Variants in LYST observed in about 807,000 individuals in gnomAD.
LYST encodes lysosomal-trafficking regulator.
In LYST, 192 loss-of-function variants were observed where a neutral mutation model predicts 413.6. The observed-to-expected ratio is 0.46, with a 90% CI of 0.41 to 0.52. LYST has a LOEUF of 0.52. LYST is among the 20% of genes least tolerant of loss of function. The pLI is 0.00. For missense variants in LYST, 3,815 were observed against 4,499.9 expected, an observed-to-expected ratio of 0.85 and a Z score of 4.35; for synonymous variants, 1,525 against 1,567.3, an observed-to-expected ratio of 0.97 and a Z score of 0.64.
At chr1:235,779,777 G>A (rs76317799) in intron 16 of LYST, among the ~76,000 whole-genome samples, 9 of 152,028 alleles carry the variant, frequency 5.9e-5, no homozygotes, top group East Asian at 3.9e-4. Flanking sequence ...TACCCTCCCC[G>A]CAACTCAACA....
At chr1:235,779,450 C>T (rs954647570) in intron 16 of LYST, among the ~76,000 whole-genome samples, 1 of 152,108 alleles carries the variant, frequency 6.6e-6, no homozygotes, top group Non-Finnish European at 1.5e-5. Context: ...CCTCAGTCTC[C>T]CTAAGGCAGA....
rs143361104 is a variant in LYST, at chr1:235,668,911, T to C, written c.11039-4290A>G. 2.7e-3 allele frequency among the ~76,000 whole-genome samples: 409 copies of C among 152,356 alleles called. 2 individuals carry two copies. Among genetic ancestry groups the C allele is most frequent in the African/African-American group, 9.5e-3 (395 of 41,588 alleles). On this transcript the variant is annotated intron_variant, in intron 50 of 52. Transcript: ENST00000389793. The stretch of plus-strand genomic sequence containing the variant: ...TCATTAGGAAATAAAAATGTTTTCA[T>C]GACATTATTTTACAACTGGGGGCTA...
At chr1:235,680,595 T>C (rs1027399100) in intron 48 of LYST, among the ~76,000 whole-genome samples, 1 of 150,000 alleles carries the variant, frequency 6.7e-6, no homozygotes, top group Non-Finnish European at 1.5e-5. Context: ...GACACACAAG[T>C]GATTTTCTTT....
intron 50 of LYST, 64 bp downstream of exon 50, chr1:235,677,027 C>T (rs1342113786): frequency 3.5e-6 from 4 of 1,152,046 alleles, no homozygotes; most frequent in Admixed American, 1.7e-5. Context: ...CTAGGAGTAA[C>T]CACTGGCCGA....
chr1:235,694,065 C>T (rs941163042), intron 46 of LYST, among the ~76,000 whole-genome samples: 12 of 150,754 alleles, frequency 8.0e-5, no homozygotes, highest in African/African-American at 2.7e-4. Context: ...GCTGAAGTGC[C>T]GTGGCGCAAT....
Position 235,693,448 on chromosome 1 carries a change from C to G in LYST, c.10603G>C (p.Ala3535Pro). 6.2e-7 allele frequency: 1 copy of G among 1,613,696 alleles called. No homozygotes were observed. Residue 3535 changes from alanine to proline, a missense_variant, in exon 47 of 53, where the codon GCC (alanine) becomes CCC (proline). This residue lies in a region of LYST where 866 missense variants were observed against 1,156.0 expected (regional missense o/e 0.75). Coordinates refer to ENST00000389793, the MANE Select transcript of LYST (RefSeq NM_000081.4). ...SMNSTDIQWS[A>P]ILSWGYADNI... is the part of the protein sequence containing the mutation. Reference sequence around the variant, plus strand: ...TCAGCATATCCCCAGCTCAGGATGGCTGACCACTGAATGTCCGTACTGTTC... The same window carrying G: ...TCAGCATATCCCCAGCTCAGGATGGGTGACCACTGAATGTCCGTACTGTTC...
intron 8 of LYST, among the ~76,000 whole-genome samples, chr1:235,802,409 T>C (rs1276890735): frequency 6.6e-6 from 1 of 152,052 alleles, no homozygotes; most frequent in Non-Finnish European, 1.5e-5. Context: ...TAAGAAGAAA[T>C]CTATGCTTGG....
chr1:235,823,394 C>A (rs1169606129), intron 3 of LYST, among the ~76,000 whole-genome samples: 1 of 152,172 alleles, frequency 6.6e-6, no homozygotes, highest in Non-Finnish European at 1.5e-5. Flanking sequence ...TTATTATTAC[C>A]TTTACTATAT....
chr1:235,738,684 G>A, intron 31 of LYST: 1 of 1,607,240 alleles, frequency 6.2e-7, no homozygotes. Context: ...ACAGTGGAAA[G>A]AGGTTCACAA....
chr1:235,663,679 A>G (rs1294602336), intron 52 of LYST, among the ~76,000 whole-genome samples: 1 of 152,212 alleles, frequency 6.6e-6, no homozygotes, highest in Non-Finnish European at 1.5e-5. Context: ...GCAGCTATCA[A>G]TCACCATTAT....
chr1:235,715,981 G>T (rs1470343299), intron 41 of LYST, among the ~76,000 whole-genome samples: 2 of 152,034 alleles, frequency 1.3e-5, no homozygotes, highest in African/African-American at 2.4e-5. Context: ...CATAGCTTCT[G>T]TCTGGTTCTG....
At chr1:235,882,861 C>G (rs938674419) in intron 1 of LYST, among the ~76,000 whole-genome samples, 1 of 152,158 alleles carries the variant, frequency 6.6e-6, no homozygotes, top group Non-Finnish European at 1.5e-5. Context: ...CGCCATGACC[C>G]AGACAAATAA....
intron 48 of LYST, among the ~76,000 whole-genome samples, chr1:235,677,914 C>A (rs1046416863): frequency 6.6e-6 from 1 of 151,732 alleles, no homozygotes; most frequent in Non-Finnish European, 1.5e-5. Flanking sequence ...TTTACATATT[C>A]TCCTATAAGC....
chr1:235,867,889 C>A (rs977744508), upstream of LYST, among the ~76,000 whole-genome samples: 3 of 152,180 alleles, frequency 2.0e-5, no homozygotes, highest in Non-Finnish European at 4.4e-5. Context: ...ATCAACAACT[C>A]CCATAATTTT....
chr1:235,723,476 A>G (rs1027275694), intron 39 of LYST, among the ~76,000 whole-genome samples: 2 of 152,202 alleles, frequency 1.3e-5, no homozygotes, highest in African/African-American at 4.8e-5. Flanking sequence ...AGGTATAAGA[A>G]CTAAGAGAAA....
At chr1:235,696,364 G>A (rs1045081846) in intron 46 of LYST, among the ~76,000 whole-genome samples, 2 of 152,362 alleles carry the variant, frequency 1.3e-5, no homozygotes, top group East Asian at 1.9e-4. Context: ...CTGCTAACAG[G>A]CATCTAGTCC....
At chr1:235,738,661 A>G in intron 31 of LYST, 1 of 1,607,472 alleles carries the variant, frequency 6.2e-7, no homozygotes, top group Non-Finnish European at 8.5e-7. Context: ...TTAGGGACTG[A>G]CATAGATAAG....
At chr1:235,870,190 T>C (rs1351503955), upstream of LYST, among the ~76,000 whole-genome samples, 1 of 151,592 alleles carries the variant, frequency 6.6e-6, no homozygotes, top group Non-Finnish European at 1.5e-5. Flanking sequence ...TTGGTGAGAG[T>C]TGACACAGTT....
intron 50 of LYST, among the ~76,000 whole-genome samples, chr1:235,671,716 T>C (rs1324693491): frequency 2.0e-5 from 3 of 151,864 alleles, no homozygotes; most frequent in African/African-American, 7.3e-5. Context: ...TATAGCATAG[T>C]GATTAAGAGA....
Sources: gnomAD v4.1 joint callset for allele counts (sites outside exome capture counted in the v4.1 genomes callset) on GRCh38, gnomAD v4.1.1 for gene constraint, gnomAD v4.1.1 regional missense constraint, MANE v1.5 for transcripts, NCBI Gene and HGNC (gene_info 2026-07-23, HGNC 2026-07-21) for gene names.